SH3D19: variants seen among roughly 807,000 people sequenced by gnomAD.
SH3D19 encodes SH3 domain-containing protein 19.
A neutral mutation model predicts 112.1 loss-of-function variants in SH3D19; 58 were observed. The ratio of observed to expected loss-of-function variants is 0.52; its 90% CI spans 0.42 to 0.64. SH3D19 has a LOEUF of 0.64. Ranked by LOEUF, SH3D19 falls within the 30% of genes least tolerant of loss-of-function variation. SH3D19 has a pLI of 0.00. For missense variants in SH3D19, 1,090 were observed against 1,263.4 expected, an observed-to-expected ratio of 0.86 and a Z score of 2.08; for synonymous variants, 391 against 448.5, an observed-to-expected ratio of 0.87 and a Z score of 1.62.
chr4:151,297,343 T>C (rs868309327), intron 1 of SH3D19, among the ~76,000 whole-genome samples: 2 of 152,346 alleles, frequency 1.3e-5, no homozygotes, highest in Middle Eastern at 3.4e-3. Context: ...TGGAATCTAG[T>C]CCTGTGGCAC....
At chr4:151,128,682 C>G (rs1004229609) in intron 17 of SH3D19, among the ~76,000 whole-genome samples, 2 of 152,092 alleles carry the variant, frequency 1.3e-5, no homozygotes, top group Non-Finnish European at 2.9e-5. Context: ...ACTTAGTAAC[C>G]CAGGATGGAG....
At chr4:151,149,165 G>A (rs1414552666) in intron 10 of SH3D19, among the ~76,000 whole-genome samples, 1 of 152,124 alleles carries the variant, frequency 6.6e-6, no homozygotes, top group Non-Finnish European at 1.5e-5. Context: ...AGTCTCCTTC[G>A]GAAATGCCAA....
At chr4:151,143,618 AT>A (rs1753405454) in intron 12 of SH3D19, among the ~76,000 whole-genome samples, 1 of 151,192 alleles carries the variant, frequency 6.6e-6, no homozygotes, top group South Asian at 2.1e-4. Context: ...TATTTACTTT[AT>A]TTTTTTATTT....
intron 1 of SH3D19, among the ~76,000 whole-genome samples, chr4:151,233,057 T>G (rs114115559): frequency 0.01 from 1,567 of 152,136 alleles, 20 homozygotes; most frequent in African/African-American, 0.034. Context: ...TAGATCCTCA[T>G]AGGAGCTTGA....
At chr4:151,128,434 G>T in intron 17 of SH3D19, 78 bp from the exon 18 acceptor site, 1 of 1,277,118 alleles carries the variant, frequency 7.8e-7, no homozygotes, top group Non-Finnish European at 1.0e-6. Flanking sequence ...AAAAAGTAGT[G>T]GGGAAAAAAA....
chr4:151,314,968 C>T (rs1278910811), intron 1 of SH3D19, among the ~76,000 whole-genome samples: 1 of 152,124 alleles, frequency 6.6e-6, no homozygotes. Context: ...TTCCTGGCAA[C>T]CCCATTCAAC....
chr4:151,322,203 C>T (rs1235281573), intron 1 of SH3D19, among the ~76,000 whole-genome samples: 1 of 151,968 alleles, frequency 6.6e-6, no homozygotes, highest in African/African-American at 2.4e-5. Flanking sequence ...AATTCCAGCA[C>T]TTTGGGAGGC....
chr4:151,191,633 A>G (rs921278570), intron 2 of SH3D19, among the ~76,000 whole-genome samples: 1 of 152,104 alleles, frequency 6.6e-6, no homozygotes, highest in African/African-American at 2.4e-5. Context: ...CTGTCAGAAG[A>G]GTACAGAATC....
At chr4:151,311,304 T>A (rs1729439347) in intron 1 of SH3D19, among the ~76,000 whole-genome samples, 1 of 151,578 alleles carries the variant, frequency 6.6e-6, no homozygotes, top group Non-Finnish European at 1.5e-5. Flanking sequence ...GCTGAGAAAG[T>A]AGGATCACTT....
intron 1 of SH3D19, among the ~76,000 whole-genome samples, chr4:151,302,928 T>G (rs1478937737): frequency 6.6e-6 from 1 of 152,048 alleles, no homozygotes; most frequent in African/African-American, 2.4e-5. Context: ...AATGACGAGT[T>G]AATGGGTGCA....
At chr4:151,268,609 G>C (rs912071134) in intron 1 of SH3D19, among the ~76,000 whole-genome samples, 4 of 109,094 alleles carry the variant, frequency 3.7e-5, no homozygotes, top group Admixed American at 3.6e-4. Flanking sequence ...CCCCACAACA[G>C]TCCCCAGAGT....
In SH3D19 at chr4:151,127,649, C is replaced by T. The variant is rs148334494; in HGVS notation, c.2996G>A (p.Arg999Gln). The T allele has an allele frequency of 5.4e-4, 861 of 1,606,080 alleles. 6 individuals are homozygous for T. The East Asian group carries it at 0.014, about 25-fold the overall frequency. Residue 999 changes from arginine (R) to glutamine (Q), a missense_variant, in exon 19 of 20, where the codon CGA becomes CAA. Coordinates refer to ENST00000604030, the MANE Select transcript of SH3D19 (RefSeq NM_001378122.1). ...GGAAAGTTCATCTTCATTCTCCCCT[C>T]GGAAATCATATAAGGCTTTGGCCTT... ...GRKAKALYDFRGENEDELSFK... is the reference protein window; with the variant it reads ...GRKAKALYDFQGENEDELSFK...
Position 151,245,788 on chromosome 4 carries a change from G to T in SH3D19, c.113-19702C>A, listed in dbSNP as rs191739119. ...AGCTAATTTTTATATTTTTAGTAGA[G>T]ACGAGGTTTCACCATATTGGCCAGG... On this transcript the variant is annotated intron_variant, in intron 1 of 19. Transcript: ENST00000604030. Among the ~76,000 whole-genome samples, 216 of 152,224 alleles carry T rather than the reference G, an allele frequency of 1.4e-3. 1 individual carries two copies. Among genetic ancestry groups the T allele is most frequent in the African/African-American group, 4.9e-3 (202 of 41,540 alleles).
chr4:151,167,922 G>A (rs944280484), intron 7 of SH3D19, among the ~76,000 whole-genome samples: 1 of 152,256 alleles, frequency 6.6e-6, no homozygotes, highest in African/African-American at 2.4e-5. Flanking sequence ...CTGCCCGGCC[G>A]CTGTGCAACC....
Position 151,325,325 on chromosome 4 carries a change from C to T in SH3D19, c.28G>A (p.Glu10Lys), listed in dbSNP as rs1302909554. The part of the protein sequence containing the change: MAEGRRRED[E>K]EEELRERREL... ...CGGCGCTCGCGTAGCTCTTCCTCCT[C>T]GTCCTCCCGCCGCCGGCCCTCAGCC... The change falls in exon 1 of 20, where the codon GAG (glutamate) becomes AAG (lysine). Residue 10 changes from glutamate (E) to lysine (K), a missense_variant. Glu to Lys is a moderately conservative substitution (Grantham distance 56). Transcript: ENST00000604030. The T allele has an allele frequency of 5.8e-6, 7 of 1,216,948 alleles. No individual in the cohort carries two copies. The highest frequency in any genetic ancestry group is 4.3e-5 in the Admixed American group (1 of 23,132). 75.4% of individuals were successfully genotyped at this position (1,216,948 alleles called of 1,614,324 possible).
At chr4:151,228,770 A>G (rs1769343442) in intron 1 of SH3D19, among the ~76,000 whole-genome samples, 1 of 152,180 alleles carries the variant, frequency 6.6e-6, no homozygotes, top group Non-Finnish European at 1.5e-5. Flanking sequence ...ATGGAAATTT[A>G]ATCTTGGCTA....
intron 2 of SH3D19, among the ~76,000 whole-genome samples, chr4:151,202,666 T>C (rs962391517): frequency 2.0e-5 from 3 of 152,206 alleles, no homozygotes; most frequent in Non-Finnish European, 4.4e-5. Context: ...AATGGATAGA[T>C]GGAGGGACAG....
rs1407779109 is a variant in SH3D19 at position 151,133,421 on chromosome 4, T to A, written c.2487-185A>T. The stretch of plus-strand genomic sequence containing the variant: ...CTTTTAAGTAACAGATATGAACCTA[T>A]TCACTCAGAAAGGCTGAAGCTCAAG... On this transcript the variant is annotated intron_variant, in intron 15 of 19. Transcript: ENST00000604030. Among the ~76,000 whole-genome samples, 3 of 152,202 alleles carry A rather than the reference T, an allele frequency of 2.0e-5. No homozygotes were observed. In the East Asian group the frequency reaches 5.8e-4, roughly 29 times the overall value.
intron 1 of SH3D19, among the ~76,000 whole-genome samples, chr4:151,314,216 C>A (rs1729773403): frequency 6.6e-6 from 1 of 152,184 alleles, no homozygotes; most frequent in Non-Finnish European, 1.5e-5. Flanking sequence ...AGAGCAGGGA[C>A]AACATCACCT....
Sources: allele counts gnomAD v4.1 joint callset (sites outside exome capture counted in the v4.1 genomes callset), GRCh38; gene constraint gnomAD v4.1.1; transcripts MANE v1.5; gene names NCBI Gene and HGNC (gene_info 2026-07-23, HGNC 2026-07-21).